CPEB4: variants seen among roughly 807,000 people sequenced by gnomAD.
CPEB4 encodes the protein cytoplasmic polyadenylation element-binding protein 4.
In CPEB4, 12 loss-of-function variants were observed where a neutral mutation model predicts 72.5. That is an observed-to-expected ratio of 0.17 (90% CI 0.11 to 0.27). The LOEUF is 0.27. Among genes scored for constraint, CPEB4 ranks in the 10% least tolerant of loss-of-function variants. The pLI, the probability that CPEB4 is intolerant of heterozygous loss-of-function variation, is 1.00. For synonymous variants in CPEB4, 302 were observed against 326.3 expected, an observed-to-expected ratio of 0.93 and a Z score of 0.80; for missense variants, 614 against 908.5, an observed-to-expected ratio of 0.68 and a Z score of 4.17.
At chr5:173,951,600 T>TATAATAG (rs1208903467) in intron 7 of CPEB4, among the ~76,000 whole-genome samples, 1 of 152,206 alleles carries the variant, frequency 6.6e-6, no homozygotes. Flanking sequence ...TAATTTGGCT[T>TATAATAG]ATAATAGACA....
intron 3 of CPEB4, among the ~76,000 whole-genome samples, chr5:173,935,264 C>G (rs1757580683): frequency 6.6e-6 from 1 of 152,150 alleles, no homozygotes; most frequent in Admixed American, 6.5e-5. Flanking sequence ...GTTGAACATG[C>G]TTTCATTGTC....
rs377599399 is a variant in CPEB4 at position 173,900,538 on chromosome 5, CTGAG to C, written c.1125+9683_1125+9686del. Among the ~76,000 whole-genome samples, 10 of 152,202 alleles carry C rather than the reference CTGAG, an allele frequency of 6.6e-5. No individual in the cohort carries two copies. Among genetic ancestry groups the C allele is most frequent in the African/African-American group, 2.4e-4 (10 of 41,452 alleles). On this transcript the variant is annotated intron_variant, in intron 1 of 9. Coordinates refer to ENST00000265085, the MANE Select transcript of CPEB4 (RefSeq NM_030627.4). This position sits in a 1 kb window ranked among gnomAD's most constrained non-coding sequence, Gnocchi z 4.4. ...GTCTAAATAACTTCATTCCTCAAGGCTGAGTGTTAGTATTGTTTACCTGCTTTCC... is the reference window on the plus strand; with the variant it reads ...GTCTAAATAACTTCATTCCTCAAGGCTGTTAGTATTGTTTACCTGCTTTCC...
intron 3 of CPEB4, among the ~76,000 whole-genome samples, chr5:173,941,615 G>A (rs1177050434): frequency 6.6e-6 from 1 of 152,054 alleles, no homozygotes; most frequent in African/African-American, 2.4e-5. Flanking sequence ...ATCCCAGGCT[G>A]TAACCCTGGG....
At chr5:173,916,977 T>G (rs970271037) in intron 2 of CPEB4, among the ~76,000 whole-genome samples, 3 of 152,208 alleles carry the variant, frequency 2.0e-5, no homozygotes, top group Non-Finnish European at 2.9e-5. Flanking sequence ...ATTTTACTAA[T>G]ATTCCTATAT....
At chr5:173,920,443 A>G (rs1757031198) in intron 2 of CPEB4, among the ~76,000 whole-genome samples, 1 of 152,270 alleles carries the variant, frequency 6.6e-6, no homozygotes, top group African/African-American at 2.4e-5. Flanking sequence ...ATTCCAAATA[A>G]TAAATGTCTG....
Position 173,955,662 on chromosome 5 carries a change from T to C in CPEB4, c.1963-248T>C, listed in dbSNP as rs1758356359. Among the ~76,000 whole-genome samples, 1 of 152,202 alleles carries C rather than the reference T, an allele frequency of 6.6e-6. No homozygotes were observed. Among genetic ancestry groups the C allele is most frequent in the South Asian group, 2.1e-4 (1 of 4,836 alleles). On this transcript the variant is annotated intron_variant, in intron 9 of 9. Coordinates refer to ENST00000265085, the MANE Select transcript of CPEB4 (RefSeq NM_030627.4). The surrounding 1 kb of genome is among the most constrained non-coding windows in gnomAD (Gnocchi z 4.7). ...AAACAGTTGGCTTCACTTCATGATG[T>C]CTGCTCAAATCCTTTTTCCTTTAAA...
chr5:173,955,971 G>A lies in CPEB4; in HGVS notation c.2024G>A (p.Cys675Tyr). ...QLCDECQGAR[C>Y]GGKFAPFFCA... is the part of the protein sequence containing the mutation. ...TGTGATGAATGTCAGGGGGCCCGTT[G>A]TGGGGGGAAATTTGCTCCATTTTTC... The change falls in exon 10 of 10, where the codon TGT (cysteine) becomes TAT (tyrosine). Residue 675 changes from cysteine (C) to tyrosine (Y), a missense_variant. Physicochemically the swap from Cys to Tyr is radical, Grantham distance 194 (BLOSUM62 -2). This residue lies in a region of CPEB4 where 101 missense variants were observed against 243.1 expected (regional missense o/e 0.42). Transcript: ENST00000265085. This position sits in a 1 kb window ranked among gnomAD's most constrained non-coding sequence, Gnocchi z 4.7. 1 of 1,614,136 alleles carries A rather than the reference G, an allele frequency of 6.2e-7. No homozygotes were observed. The highest frequency in any genetic ancestry group is 8.5e-7 in the Non-Finnish European group (1 of 1,180,000).
chr5:173,939,912 G>A, intron 3 of CPEB4, among the ~76,000 whole-genome samples: 1 of 141,448 alleles, frequency 7.1e-6, no homozygotes, highest in East Asian at 2.1e-4. Context: ...GGGGGTTTGA[G>A]ACCAGCCTGT....
chr5:173,951,732 G>A, intron 7 of CPEB4, 92 bp from the exon 8 acceptor site: 1 of 741,784 alleles, frequency 1.3e-6, no homozygotes, highest in South Asian at 1.5e-5. Flanking sequence ...TAGGATTATT[G>A]CTTTTAAAAA....
chr5:173,945,069 A>C lies in CPEB4; in HGVS notation c.1385A>C (p.Gln462Pro), dbSNP rs1247597435. The C allele has an allele frequency of 6.2e-7, 1 of 1,614,086 alleles. No individual in the cohort carries two copies. Among genetic ancestry groups the C allele is most frequent in the Non-Finnish European group, 8.5e-7 (1 of 1,179,950 alleles). Residue 462 changes from glutamine (Q) to proline (P), a missense_variant, in exon 5 of 10, where the codon CAG becomes CCG. Gln to Pro is a moderately conservative substitution (Grantham distance 76). Coordinates refer to ENST00000265085, the MANE Select transcript of CPEB4 (RefSeq NM_030627.4). Reference protein sequence around the residue: ...GLGSPHCFSHQNGERVERYSR... With the variant: ...GLGSPHCFSHPNGERVERYSR... ...GGTTCACCTCACTGCTTCAGTCACC[A>C]GAATGGGGAAAGAGTGGAACGATAT...
At chr5:173,953,872 A>G (rs554667869) in intron 9 of CPEB4, among the ~76,000 whole-genome samples, 1 of 152,228 alleles carries the variant, frequency 6.6e-6, no homozygotes, top group East Asian at 1.9e-4. Flanking sequence ...ATAGAACTGT[A>G]TCACTTGCCA....
rs1758418029 is a variant in CPEB4, at chr5:173,957,541, G to GAAT, written c.*1404_*1405insAAT. Reference sequence around the variant, plus strand: ...AAATTCTAGCTTTGAAAGGCGTTATGTGTTGAACAGTATGCTTCAGGGGTA... The same window carrying GAAT: ...AAATTCTAGCTTTGAAAGGCGTTATGAATTGTTGAACAGTATGCTTCAGGGGTA... On this transcript the variant is annotated 3_prime_UTR_variant, in exon 10 of 10. Coordinates refer to ENST00000265085, the MANE Select transcript of CPEB4 (RefSeq NM_030627.4). The GAAT allele has an allele frequency of 6.5e-6, 1 of 152,786 alleles. No homozygotes were observed. Among genetic ancestry groups the GAAT allele is most frequent in the African/African-American group, 2.4e-5 (1 of 41,456 alleles). The allele number at this position is 152,786 out of a possible 1,614,324, so 9.5% of individuals were successfully genotyped here.
At chr5:173,930,407 AG>A (rs1757404694) in intron 2 of CPEB4, among the ~76,000 whole-genome samples, 1 of 152,112 alleles carries the variant, frequency 6.6e-6, no homozygotes, top group African/African-American at 2.4e-5. Flanking sequence ...TAGCATCTCA[AG>A]TCTATCCTTT....
intron 2 of CPEB4, among the ~76,000 whole-genome samples, chr5:173,920,671 A>G (rs1757039335): frequency 6.6e-6 from 1 of 152,210 alleles, no homozygotes; most frequent in African/African-American, 2.4e-5. Flanking sequence ...GAGGGGTTGA[A>G]CTTAATGATC....
intron 3 of CPEB4, among the ~76,000 whole-genome samples, chr5:173,939,121 T>TATAAAA (rs920621785): frequency 6.6e-6 from 1 of 152,172 alleles, no homozygotes; most frequent in Non-Finnish European, 1.5e-5. Context: ...ACCCCATCTC[T>TATAAAA]ATAAAAATAA....
At chr5:173,932,533 C>T in intron 3 of CPEB4, 33 bp downstream of exon 3, 1 of 1,533,362 alleles carries the variant, frequency 6.5e-7, no homozygotes. Flanking sequence ...TAGTGAAGTG[C>T]ACAAAACTGA....
At chr5:173,894,915 A>T (rs1409267714) in intron 1 of CPEB4, among the ~76,000 whole-genome samples, 2 of 152,212 alleles carry the variant, frequency 1.3e-5, no homozygotes. Flanking sequence ...TTGTAGATAG[A>T]GTATTGAAAG....
chr5:173,930,907 C>T (rs1438383779), intron 2 of CPEB4, among the ~76,000 whole-genome samples: 4 of 148,006 alleles, frequency 2.7e-5, no homozygotes, highest in Middle Eastern at 3.6e-3. Flanking sequence ...GAGAATGAGG[C>T]GTGAACCTGG....
intron 1 of CPEB4, among the ~76,000 whole-genome samples, chr5:173,894,819 G>A (rs1429269096): frequency 1.3e-5 from 2 of 152,088 alleles, no homozygotes; most frequent in Non-Finnish European, 2.9e-5. Flanking sequence ...GTGGGTGCAG[G>A]TGGGGCTGGA....
Sources: gnomAD v4.1 joint callset for allele counts (sites outside exome capture counted in the v4.1 genomes callset) on GRCh38, gnomAD v4.1.1 for gene constraint, gnomAD v4.1.1 regional missense constraint, Gnocchi (gnomAD v3.1) non-coding constraint, MANE v1.5 for transcripts, NCBI Gene and HGNC (gene_info 2026-07-23, HGNC 2026-07-21) for gene names.